The following NCAPD3 variants were observed in gnomAD, a reference collection of about 807,000 sequenced individuals.
NCAPD3 encodes the protein non-SMC condensin II complex subunit D3, also known as condensin-2 complex subunit D3.
A neutral mutation model predicts 182.9 loss-of-function variants in NCAPD3; 105 were observed. The ratio of observed to expected loss-of-function variants is 0.57; its 90% CI spans 0.49 to 0.68. NCAPD3 has a LOEUF of 0.68. Ranked by LOEUF, NCAPD3 falls within the 30% of genes least tolerant of loss-of-function variation. The pLI is 0.00. For synonymous variants in NCAPD3, 815 were observed against 679.9 expected (o/e 1.20, Z -3.09); for missense variants, 1,944 against 1,837.0 (o/e 1.06, Z -1.07).
rs1350988479 is a variant in NCAPD3, at chr11:134,204,210, C to T, written c.1090-39G>A. The T allele has an allele frequency of 6.2e-7, 1 of 1,603,900 alleles. No individual in the cohort carries two copies. Among genetic ancestry groups the T allele is most frequent in the Admixed American group, 1.7e-5 (1 of 59,234 alleles). ...AGAGAAGTTGACCAACCAATATCCA[C>T]CCGCAGGATGGCTGAAACATATTCT... On this transcript the variant is annotated intron_variant, in intron 9 of 34. Coordinates refer to ENST00000534548, the MANE Select transcript of NCAPD3 (RefSeq NM_015261.3). The surrounding 1 kb of genome is among the most constrained non-coding windows in gnomAD (Gnocchi z 4.3).
intron 15 of NCAPD3, 125 bp downstream of exon 15, chr11:134,193,891 G>A (rs1944572794): frequency 1.1e-6 from 1 of 941,262 alleles, no homozygotes; most frequent in Admixed American, 2.4e-5. Context: ...ACATTGTACA[G>A]TTCTACAGTG....
At chr11:134,184,115 T>C (rs1944349962) in intron 19 of NCAPD3, among the ~76,000 whole-genome samples, 1 of 152,212 alleles carries the variant, frequency 6.6e-6, no homozygotes. Flanking sequence ...CTGATGTGGA[T>C]TTCTGTTTAT....
Position 134,209,399 on chromosome 11 carries a change from T to C in NCAPD3, c.646A>G (p.Ile216Val), listed in dbSNP as rs771133475. The change falls in exon 5 of 35, where the codon ATC becomes GTC. Residue 216 changes from isoleucine (I) to valine (V), a missense_variant. Around this residue, in one of 3 missense-constraint regions of NCAPD3, gnomAD observed 1,803 missense variants for 1,674.6 expected, o/e 1.08. Coordinates refer to ENST00000534548, the MANE Select transcript of NCAPD3 (RefSeq NM_015261.3). Reference protein sequence around the residue: ...ARDLSQIRNAIFHLLKNFLRL... With the variant: ...ARDLSQIRNAVFHLLKNFLRL... Reference sequence around the variant, plus strand: ...AAAAAATTCTTTAAAAGGTGAAAGATGGCATTTCGAATTTGAGAAAGGTCC... The same window carrying C: ...AAAAAATTCTTTAAAAGGTGAAAGACGGCATTTCGAATTTGAGAAAGGTCC... 71 of 1,613,860 alleles carry C rather than the reference T, an allele frequency of 4.4e-5. No individual in the cohort carries two copies. Among genetic ancestry groups the C allele is most frequent in the Middle Eastern group, 1.7e-4 (1 of 6,024 alleles).
intron 15 of NCAPD3, among the ~76,000 whole-genome samples, chr11:134,193,783 G>T (rs1944570486): frequency 6.6e-6 from 1 of 152,104 alleles, no homozygotes; most frequent in South Asian, 2.1e-4. Context: ...ATAAAGTGAA[G>T]AAAGGGCTAA....
At chr11:134,195,485 G>A (rs1944608748) in intron 13 of NCAPD3, among the ~76,000 whole-genome samples, 1 of 152,194 alleles carries the variant, frequency 6.6e-6, no homozygotes, top group African/African-American at 2.4e-5. Flanking sequence ...TTTAAACTGA[G>A]AATTGTAAAA....
intron 14 of NCAPD3, 73 bp downstream of exon 14, chr11:134,194,592 G>A: frequency 9.0e-7 from 1 of 1,117,094 alleles, no homozygotes; most frequent in African/African-American, 1.6e-5. Flanking sequence ...TGGCCTAAGA[G>A]TTTAAAAAAT....
chr11:134,216,736 GA>G (rs944183286), intron 3 of NCAPD3, among the ~76,000 whole-genome samples, 199 bp downstream of exon 3: 17 of 146,722 alleles, frequency 1.2e-4, no homozygotes, highest in East Asian at 5.9e-4. Flanking sequence ...AACTTCGGAT[GA>G]AAAAAAAAAG....
At chr11:134,180,266 C>G (rs957595407) in intron 20 of NCAPD3, among the ~76,000 whole-genome samples, 1 of 151,960 alleles carries the variant, frequency 6.6e-6, no homozygotes, top group Non-Finnish European at 1.5e-5. Flanking sequence ...TAAGCTTGGT[C>G]GGTGATCACT....
At chr11:134,201,128 G>A (rs1044556298) in intron 13 of NCAPD3, among the ~76,000 whole-genome samples, 3 of 151,524 alleles carry the variant, frequency 2.0e-5, no homozygotes, top group African/African-American at 7.3e-5. Context: ...GGGTTCAAGC[G>A]ATTCTCCTGC....
rs187728516 is a variant in NCAPD3, at chr11:134,153,539, G to C, written c.4253-176C>G. 4,893 of 658,380 alleles carry C rather than the reference G, an allele frequency of 7.4e-3. 28 individuals are homozygous for C. The highest frequency in any genetic ancestry group is 0.011 in the Middle Eastern group (27 of 2,450). 40.8% of individuals were successfully genotyped at this position (658,380 alleles called of 1,614,324 possible). A position where few individuals can be genotyped will look rare whatever the true frequency, so the allele number is the denominator to read the frequency against. ...AGTGTTGAGGGCCCCTCCTGGGGAT[G>C]CTCCTTTCCGTCTCTCTGACCCCCT... On this transcript the variant is annotated intron_variant, in intron 32 of 34. Transcript: ENST00000534548.
chr11:134,183,583 A>T (rs1944341144), intron 19 of NCAPD3, among the ~76,000 whole-genome samples: 1 of 152,152 alleles, frequency 6.6e-6, no homozygotes, highest in African/African-American at 2.4e-5. Context: ...TAAAAATAAA[A>T]GTTTGTCATA....
intron 31 of NCAPD3, 147 bp from the exon 32 acceptor site, chr11:134,157,242 A>C: frequency 1.8e-6 from 1 of 568,396 alleles, no homozygotes; most frequent in Non-Finnish European, 3.1e-6. Context: ...TTCAGGAAGA[A>C]ATACAAATAA....
chr11:134,173,617 C>T (rs1016089076), intron 24 of NCAPD3: 3 of 152,346 alleles, frequency 2.0e-5, no homozygotes, highest in African/African-American at 7.2e-5. Flanking sequence ...GGAGGGCAGA[C>T]CCTGATGCAG....
Position 134,158,267 on chromosome 11 carries a change from G to A in NCAPD3, c.4034+62C>T, listed in dbSNP as rs954346719. The A allele has an allele frequency of 6.9e-6, 11 of 1,591,844 alleles. No individual in the cohort carries two copies. In the Admixed American group the frequency reaches 1.4e-4, roughly 20 times the overall value. ...CCTGCCCACGCTTGGGAATGGCAGG[G>A]ACGCCTCTGAGAACATCGCCACAGA... is the stretch of plus-strand genomic sequence containing the variant. On this transcript the variant is annotated intron_variant, in intron 30 of 34. Coordinates refer to ENST00000534548, the MANE Select transcript of NCAPD3 (RefSeq NM_015261.3).
At chr11:134,174,733 G>T (rs1408464323) in intron 24 of NCAPD3, among the ~76,000 whole-genome samples, 2 of 152,186 alleles carry the variant, frequency 1.3e-5, no homozygotes, top group African/African-American at 2.4e-5. Flanking sequence ...AGAGGATTTT[G>T]AAAGTTCCTG....
chr11:134,218,192 C>T (rs1204268198), intron 2 of NCAPD3, among the ~76,000 whole-genome samples: 2 of 151,596 alleles, frequency 1.3e-5, no homozygotes, highest in South Asian at 2.1e-4. Flanking sequence ...CCACTTCACA[C>T]ACGAGGGTGA....
At chr11:134,225,109 G>T (rs1176509615), upstream of NCAPD3, 2 of 1,589,342 alleles carry the variant, frequency 1.3e-6, no homozygotes. Context: ...AGACCCGCCC[G>T]GCCCGGCGGT....
chr11:134,179,673 A>G (rs1944252132), intron 20 of NCAPD3, among the ~76,000 whole-genome samples: 1 of 152,206 alleles, frequency 6.6e-6, no homozygotes, highest in South Asian at 2.1e-4. Context: ...GTTGCCCTCC[A>G]GATTATTTTT....
intron 8 of NCAPD3, among the ~76,000 whole-genome samples, chr11:134,205,762 G>T (rs920496720): frequency 6.6e-6 from 1 of 152,130 alleles, no homozygotes; most frequent in East Asian, 1.9e-4. Context: ...ATTGCGACTG[G>T]CATATGAGAA....
Sources: allele counts gnomAD v4.1 joint callset (sites outside exome capture counted in the v4.1 genomes callset), GRCh38; gene constraint gnomAD v4.1.1; regional missense constraint gnomAD v4.1.1; non-coding constraint Gnocchi (gnomAD v3.1); transcripts MANE v1.5; gene names NCBI Gene and HGNC (gene_info 2026-07-23, HGNC 2026-07-21).